VGLL3: variants seen among roughly 807,000 people sequenced by gnomAD.
VGLL3 encodes transcription cofactor vestigial-like protein 3.
In VGLL3, 18 loss-of-function variants were observed where a neutral mutation model predicts 29.2. The ratio of observed to expected loss-of-function variants is 0.62; its 90% CI spans 0.43 to 0.91. VGLL3 has a LOEUF of 0.91. Ranked by LOEUF, VGLL3 falls within the 40% of genes least tolerant of loss-of-function variation. The probability of loss-of-function intolerance (pLI) is 0.00; values close to 1 mark genes in which losing one functional copy is unlikely to be tolerated. For missense variants in VGLL3, 440 were observed against 413.2 expected (o/e 1.06, Z -0.56); for synonymous variants, 180 against 151.8 (o/e 1.19, Z -1.36).
intron 1 of VGLL3, among the ~76,000 whole-genome samples, chr3:86,983,410 TTTGCACTCA>T (rs1001533098): frequency 6.6e-6 from 1 of 152,138 alleles, no homozygotes; most frequent in Non-Finnish European, 1.5e-5. Context: ...CTCGCTCTCA[TTTGCACTCA>T]TTGCACTCAT....
intron 3 of VGLL3, among the ~76,000 whole-genome samples, chr3:86,955,119 A>C (rs2106974671): frequency 1.3e-5 from 2 of 152,296 alleles, no homozygotes; most frequent in East Asian, 3.9e-4. Context: ...CTACCCAAAA[A>C]AAAAGTAATT....
At chr3:86,983,899 G>T (rs1156344859) in intron 1 of VGLL3, among the ~76,000 whole-genome samples, 5 of 152,126 alleles carry the variant, frequency 3.3e-5, no homozygotes, top group Non-Finnish European at 7.4e-5. Flanking sequence ...ACTGGGTCAG[G>T]ATGGCCTAAC....
Position 86,990,751 on chromosome 3 carries a change from G to C in VGLL3, c.-8C>G. The C allele has an allele frequency of 2.2e-6, 3 of 1,344,190 alleles. No homozygotes were observed. The highest frequency in any genetic ancestry group is 2.5e-5 in the South Asian group (1 of 39,934). The allele number at this position is 1,344,190 out of a possible 1,614,324, so 83.3% of individuals were successfully genotyped here. A position where few individuals can be genotyped will look rare whatever the true frequency, so the allele number is the denominator to read the frequency against. ...CACCTCCGCACAACTCATGGCAGCC[G>C]GGGCAGTGGCGGCCCCCGAGCTGCC... On this transcript the variant is annotated 5_prime_UTR_variant, in exon 1 of 4. Transcript: ENST00000398399.
At chr3:86,961,016 G>A (rs1173142862) in intron 3 of VGLL3, among the ~76,000 whole-genome samples, 2 of 149,248 alleles carry the variant, frequency 1.3e-5, no homozygotes, top group Admixed American at 6.7e-5. Flanking sequence ...TAAATATATT[G>A]TAGTAAAAAG....
chr3:86,981,781 A>G (rs1705330554), intron 1 of VGLL3, among the ~76,000 whole-genome samples: 3 of 152,202 alleles, frequency 2.0e-5, no homozygotes, highest in South Asian at 4.1e-4. Flanking sequence ...TTTTTTTCAG[A>G]TAAAGTTAGG....
At chr3:86,973,756 G>C (rs868238758) in intron 2 of VGLL3, among the ~76,000 whole-genome samples, 1 of 152,012 alleles carries the variant, frequency 6.6e-6, no homozygotes, top group Non-Finnish European at 1.5e-5. Context: ...TTTAGGTTTC[G>C]TATTTATTTT....
rs763014595 is a variant in VGLL3, at chr3:86,968,854, C to T, written c.673G>A (p.Val225Met). The T allele has an allele frequency of 1.2e-5, 20 of 1,613,970 alleles. No homozygotes were observed. In the African/African-American group the frequency reaches 1.6e-4, roughly 13 times the overall value. Residue 225 changes from valine (V) to methionine (M), a missense_variant, in exon 3 of 4, where the codon GTG becomes ATG. Val to Met is a conservative substitution (Grantham distance 21). Transcript: ENST00000398399. ...TGAGGGTGGTGGTGCCGCATGTACA[C>T]GTCATGCATATGGCTGTAGGATGGG... is the stretch of plus-strand genomic sequence containing the variant. ...VSPSYSHMHD[V>M]YMRHHHPHAH...
At chr3:86,976,827 AAAG>A (rs1705219324) in intron 2 of VGLL3, among the ~76,000 whole-genome samples, 2 of 152,240 alleles carry the variant, frequency 1.3e-5, no homozygotes, top group Non-Finnish European at 2.9e-5. Context: ...CCATGTGCTA[AAAG>A]AAGTAGACAT....
chr3:86,986,704 A>T (rs536420334), intron 1 of VGLL3, among the ~76,000 whole-genome samples: 40 of 152,284 alleles, frequency 2.6e-4, no homozygotes, highest in Middle Eastern at 3.4e-3. Flanking sequence ...ATGAATCTAA[A>T]CTTATGTTGG....
chr3:86,990,782 C>G lies in VGLL3; in HGVS notation c.-39G>C. 3.2e-6 allele frequency: 4 copies of G among 1,269,056 alleles called. No individual in the cohort carries two copies. The highest frequency in any genetic ancestry group is 3.0e-6 in the Non-Finnish European group (3 of 1,003,104). The allele number at this position is 1,269,056 out of a possible 1,614,324, so 78.6% of individuals were successfully genotyped here. On this transcript the variant is annotated 5_prime_UTR_variant, in exon 1 of 4. Coordinates refer to ENST00000398399, the MANE Select transcript of VGLL3 (RefSeq NM_016206.4). ...GTGGCGGCCCCCGAGCTGCCGCCGC[C>G]GCTCTACGCGCTGGCGCGAGGGGCG... is the stretch of plus-strand genomic sequence containing the variant.
At chr3:86,953,667 TA>T (rs1427231004) in intron 3 of VGLL3, among the ~76,000 whole-genome samples, 2 of 152,180 alleles carry the variant, frequency 1.3e-5, no homozygotes, top group Non-Finnish European at 2.9e-5. Context: ...CTTTCACTGT[TA>T]GTGAGGCTGG....
intron 2 of VGLL3, among the ~76,000 whole-genome samples, chr3:86,972,046 A>G (rs1177220636): frequency 2.0e-5 from 3 of 152,184 alleles, no homozygotes; most frequent in Non-Finnish European, 4.4e-5. Context: ...GAGAGTATAT[A>G]CCATTTCTCT....
chr3:86,979,655 C>T lies in VGLL3; in HGVS notation c.127-853G>A, dbSNP rs574507970. The stretch of plus-strand genomic sequence containing the variant: ...CTATAACATGGCTATTAATACTATC[C>T]ATATTGTAAAGATTAAAAAGCTAAA... On this transcript the variant is annotated intron_variant, in intron 1 of 3. Transcript: ENST00000398399. 4.6e-5 allele frequency among the ~76,000 whole-genome samples: 7 copies of T among 152,060 alleles called. No individual in the cohort carries two copies. In the East Asian group the frequency reaches 9.6e-4, roughly 21 times the overall value.
rs1370521834 is a variant in VGLL3 at position 86,944,176 on chromosome 3, CTCTT to C, written c.*2844_*2847del. 6.6e-6 allele frequency: 1 copy of C among 152,112 alleles called. No individual in the cohort carries two copies. The highest frequency in any genetic ancestry group is 2.4e-5 in the African/African-American group (1 of 41,414). The allele number at this position is 152,112 out of a possible 1,614,324, so 9.4% of individuals were successfully genotyped here. A position where few individuals can be genotyped will look rare whatever the true frequency, so the allele number is the denominator to read the frequency against. Reference sequence around the variant, plus strand: ...AGACAATTATAGAGACATGCTCATTCTCTTTCTATGTATATTTTTGATCCACTCC... The same window carrying C: ...AGACAATTATAGAGACATGCTCATTCTCTATGTATATTTTTGATCCACTCC... On this transcript the variant is annotated 3_prime_UTR_variant, in exon 4 of 4. Coordinates refer to ENST00000398399, the MANE Select transcript of VGLL3 (RefSeq NM_016206.4).
At chr3:86,976,429 C>T (rs914895238) in intron 2 of VGLL3, among the ~76,000 whole-genome samples, 1 of 152,152 alleles carries the variant, frequency 6.6e-6, no homozygotes, top group African/African-American at 2.4e-5. Context: ...AGGGTAGAGC[C>T]TTGGGCTGTC....
intron 3 of VGLL3, among the ~76,000 whole-genome samples, chr3:86,960,018 G>A (rs1021390837): frequency 1.2e-4 from 18 of 151,824 alleles, no homozygotes; most frequent in Non-Finnish European, 2.5e-4. Context: ...ATTCTCACCC[G>A]GTTTTTTGTA....
At position 86,968,828 on chromosome 3, in the gene VGLL3, A is replaced by C; in HGVS notation, c.699T>G (p.His233Gln). Residue 233 changes from histidine (H) to glutamine (Q), a missense_variant, in exon 3 of 4, where the codon CAT (histidine) becomes CAG (glutamine). Physicochemically the swap from His to Gln is conservative, Grantham distance 24 (BLOSUM62 0). Transcript: ENST00000398399. ...GGCGGTGGCGGTGGTGCATGTGGGC[A>C]TGAGGGTGGTGGTGCCGCATGTACA... ...HDVYMRHHHP[H>Q]AHMHHRHRHH... The C allele has an allele frequency of 6.2e-7, 1 of 1,614,100 alleles. No individual in the cohort carries two copies. Among genetic ancestry groups the C allele is most frequent in the Non-Finnish European group, 8.5e-7 (1 of 1,180,008 alleles).
chr3:86,960,663 C>T lies in VGLL3; in HGVS notation c.937+7927G>A, dbSNP rs1043787844. 5.9e-4 allele frequency among the ~76,000 whole-genome samples: 89 copies of T among 152,052 alleles called. 2 individuals are homozygous for T. The highest frequency in any genetic ancestry group is 2.5e-4 in the Non-Finnish European group (17 of 67,974). ...TCTGGCAAATAACCATTGTCCCCGT[C>T]TGTGACACACAGTCTTGATTTCACT... On this transcript the variant is annotated intron_variant, in intron 3 of 3. Transcript: ENST00000398399.
In VGLL3 at chr3:86,968,993, G is replaced by T. The variant is rs1388636645; in HGVS notation, c.534C>A (p.Thr178=). 1.4e-5 allele frequency: 23 copies of T among 1,614,028 alleles called. No homozygotes were observed. The Admixed American group carries it at 2.7e-4, about 19-fold the overall frequency. Residue 178 remains threonine (T), a synonymous_variant, in exon 3 of 4, where the codon ACC becomes ACA. Coordinates refer to ENST00000398399, the MANE Select transcript of VGLL3 (RefSeq NM_016206.4). ...AAGGACTGGGATCAGCTGCAGAAAA[G>T]GTGCCAGGGGGTCCAGTGACCTGGA... is the stretch of plus-strand genomic sequence containing the variant. ...PDFQVTGPPG[T]FSAADPSPWP... is the part of the protein sequence containing the mutation.
Sources: gnomAD v4.1 joint callset for allele counts (sites outside exome capture counted in the v4.1 genomes callset) on GRCh38, gnomAD v4.1.1 for gene constraint, MANE v1.5 for transcripts, NCBI Gene and HGNC (gene_info 2026-07-23, HGNC 2026-07-21) for gene names.